The following COL1A2 variants were observed in gnomAD, a reference collection of about 807,000 sequenced individuals.
COL1A2 encodes collagen type I alpha 2 chain.
In COL1A2, 49 loss-of-function variants were observed where a neutral mutation model predicts 174.3. The observed-to-expected ratio is 0.28, with a 90% CI of 0.22 to 0.36. COL1A2 has a LOEUF of 0.36. Among genes scored for constraint, COL1A2 ranks in the 10% least tolerant of loss-of-function variants. COL1A2 has a pLI of 1.00. For synonymous variants in COL1A2, 655 were observed against 606.6 expected, an observed-to-expected ratio of 1.08 and a Z score of -1.17; for missense variants, 1,438 against 1,822.7, an observed-to-expected ratio of 0.79 and a Z score of 3.84.
At chr7:94,399,228 A>T in intron 4 of COL1A2, 144 bp downstream of exon 4, 1 of 697,658 alleles carries the variant, frequency 1.4e-6, no homozygotes. Flanking sequence ...CTGCAGAAGA[A>T]GCGAATGAGC....
chr7:94,426,331 A>G (rs867106285), intron 45 of COL1A2, 92 bp from the exon 46 acceptor site: 3 of 1,177,994 alleles, frequency 2.5e-6, no homozygotes, highest in African/African-American at 3.0e-5. Context: ...GTCCTGAGTT[A>G]CCTTTGTAAA....
chr7:94,426,875 C>A, intron 46 of COL1A2, 133 bp from the exon 47 acceptor site: 1 of 801,750 alleles, frequency 1.2e-6, no homozygotes, highest in Middle Eastern at 3.5e-4. Flanking sequence ...GAAAAGAGCC[C>A]CACTTTACAT....
At chr7:94,425,913 A>G in intron 44 of COL1A2, 56 bp downstream of exon 44, 1 of 1,601,186 alleles carries the variant, frequency 6.2e-7, no homozygotes, top group South Asian at 1.1e-5. Flanking sequence ...TTCACTTCTG[A>G]CTTCCCCACA....
At chr7:94,417,229 G>T (rs2521205) in intron 31 of COL1A2, among the ~76,000 whole-genome samples, 68,929 of 151,898 alleles carry the variant, frequency 0.45, 16,007 homozygotes, top group Admixed American at 0.52. Context: ...AGGGATCTAT[G>T]TATCTCAGAA....
At chr7:94,398,427 TA>T in intron 3 of COL1A2, 31 bp downstream of exon 3, 1 of 886,470 alleles carries the variant, frequency 1.1e-6, no homozygotes, top group South Asian at 1.8e-5. Flanking sequence ...CATAAATATC[TA>T]AAATTATCAG....
intron 32 of COL1A2, 62 bp from the exon 33 acceptor site, chr7:94,418,437 A>G (rs1418090739): frequency 3.5e-6 from 5 of 1,431,180 alleles, no homozygotes; most frequent in East Asian, 4.6e-5. Flanking sequence ...AAAACTTCAT[A>G]TTAATTTCGA....
intron 50 of COL1A2, 59 bp from the exon 51 acceptor site, chr7:94,429,129 T>C: frequency 7.4e-7 from 1 of 1,360,220 alleles, no homozygotes; most frequent in Non-Finnish European, 1.0e-6. Context: ...TTTTCATGTT[T>C]GACTCTTAGT....
chr7:94,408,121 G>T (rs1584318014), intron 13 of COL1A2, 62 bp from the exon 14 acceptor site: 1 of 1,553,144 alleles, frequency 6.4e-7, no homozygotes, highest in South Asian at 1.1e-5. Context: ...CAAAGCAAAT[G>T]ATGCCTGTGA....
Position 94,429,284 on chromosome 7 carries a change from T to C in COL1A2, c.3808T>C (p.Tyr1270His). The change falls in exon 51 of 52, where the codon TAC (tyrosine) becomes CAC (histidine). Residue 1270 changes from tyrosine (Y) to histidine (H), a missense_variant. Tyr to His is a moderately conservative substitution (Grantham distance 83). Coordinates refer to ENST00000297268, the MANE Select transcript of COL1A2 (RefSeq NM_000089.4). ...CAACTATGCCTCTCAGAACATCACC[T>C]ACCACTGCAAGAACAGCATTGCATA... is the stretch of plus-strand genomic sequence containing the variant. ...LANYASQNIT[Y>H]HCKNSIAYMD... 6.2e-7 allele frequency: 1 copy of C among 1,614,146 alleles called. No individual in the cohort carries two copies. The highest frequency in any genetic ancestry group is 8.5e-7 in the Non-Finnish European group (1 of 1,180,008).
chr7:94,405,792 T>A, intron 11 of COL1A2, 66 bp downstream of exon 11: 1 of 1,268,224 alleles, frequency 7.9e-7, no homozygotes, highest in South Asian at 1.2e-5. Flanking sequence ...CTCAAGTATG[T>A]TTAAAATCTT....
At chr7:94,404,530 T>C in intron 6 of COL1A2, 26 bp from the exon 7 acceptor site, 1 of 1,612,224 alleles carries the variant, frequency 6.2e-7, no homozygotes, top group Non-Finnish European at 8.5e-7. Context: ...CAGTGCTAAC[T>C]GTTGATATAT....
intron 39 of COL1A2, 147 bp downstream of exon 39, chr7:94,422,099 T>A: frequency 1.6e-6 from 1 of 608,604 alleles, no homozygotes; most frequent in Non-Finnish European, 2.9e-6. Flanking sequence ...TTCTGAACCA[T>A]TAAGGTATTT....
At chr7:94,399,221 CAGA>C (rs1440975043) in intron 4 of COL1A2, 137 bp downstream of exon 4, 1 of 730,906 alleles carries the variant, frequency 1.4e-6, no homozygotes, top group African/African-American at 1.8e-5. Flanking sequence ...TAATGCACTG[CAGA>C]AGAAGCGAAT....
chr7:94,409,531 A>G, intron 17 of COL1A2, 33 bp from the exon 18 acceptor site: 1 of 1,614,074 alleles, frequency 6.2e-7, no homozygotes, highest in Non-Finnish European at 8.5e-7. Context: ...ATTCCAATTA[A>G]CTGATATCCT....
At position 94,427,263 on chromosome 7, in the gene COL1A2, A is replaced by T. The variant is rs1365427348; in HGVS notation, c.3235A>T (p.Ile1079Phe). 1 of 1,613,814 alleles carries T rather than the reference A, an allele frequency of 6.2e-7. No homozygotes were observed. Among genetic ancestry groups the T allele is most frequent in the Non-Finnish European group, 8.5e-7 (1 of 1,179,906 alleles). Residue 1079 changes from isoleucine (I) to phenylalanine (F), a missense_variant, in exon 48 of 52, where the codon ATT (isoleucine) becomes TTT (phenylalanine). This residue lies in a region of COL1A2 where 867 missense variants were observed against 1,213.7 expected (regional missense o/e 0.71). Transcript: ENST00000297268. ...TCCTGGTACAGTTGGACCTGCTGGC[A>T]TTCGAGGCCCTCAGGGTCACCAAGG... Reference protein sequence around the residue: ...GHPGTVGPAGIRGPQGHQGPA... With the variant: ...GHPGTVGPAGFRGPQGHQGPA...
In COL1A2 at chr7:94,427,057, C is replaced by T. The variant is rs1349537557; in HGVS notation, c.3155C>T (p.Pro1052Leu). Residue 1052 changes from proline to leucine, a missense_variant, in exon 47 of 52, where the codon CCT becomes CTT. By Grantham distance (98) the Pro-to-Leu change is moderately conservative (BLOSUM62 -3). Around this residue, in one of 3 missense-constraint regions of COL1A2, gnomAD observed 867 missense variants for 1,213.7 expected, o/e 0.71. Coordinates refer to ENST00000297268, the MANE Select transcript of COL1A2 (RefSeq NM_000089.4). ...GAPGSVGPAG[P>L]RGPAGPSGPA... Reference sequence around the variant, plus strand: ...CCTGGCTCCGTGGGTCCTGCTGGTCCTAGGGTAGGTGGACTCAAGAGAAGA... The same window carrying T: ...CCTGGCTCCGTGGGTCCTGCTGGTCTTAGGGTAGGTGGACTCAAGAGAAGA... 6.2e-7 allele frequency: 1 copy of T among 1,613,954 alleles called. No individual in the cohort carries two copies. The highest frequency in any genetic ancestry group is 1.1e-5 in the South Asian group (1 of 91,074).
chr7:94,426,731 A>G, intron 46 of COL1A2: 1 of 645,786 alleles, frequency 1.5e-6, no homozygotes, highest in Non-Finnish European at 2.7e-6. Flanking sequence ...AGATAGAAAT[A>G]GACATACAAT....
At position 94,428,483 on chromosome 7, in the gene COL1A2, G is replaced by C; in HGVS notation, c.3711+6G>C. 1 of 1,612,434 alleles carries C rather than the reference G, an allele frequency of 6.2e-7. No homozygotes were observed. Reference sequence around the variant, plus strand: ...CTATCAATGCTGGCAGCCAGGTGAGGAATCCCACAAACACCTCTCCTTCTG... The same window carrying C: ...CTATCAATGCTGGCAGCCAGGTGAGCAATCCCACAAACACCTCTCCTTCTG... On this transcript the variant is annotated splice_donor_region_variant and intron_variant, in intron 50 of 51. Transcript: ENST00000297268.
chr7:94,424,392 T>A lies in COL1A2; in HGVS notation c.2622T>A (p.Gly874=), dbSNP rs769128071. The A allele has an allele frequency of 1.9e-6, 3 of 1,614,130 alleles. No homozygotes were observed. The Admixed American group carries it at 5.0e-5, about 27-fold the overall frequency. The change falls in exon 41 of 52, where the codon GGT becomes GGA. Residue 874 remains glycine, a synonymous_variant. Coordinates refer to ENST00000297268, the MANE Select transcript of COL1A2 (RefSeq NM_000089.4). ...TTCTTGGTGCTCCTGGTATTCTGGGTCTCCCTGGCTCGAGAGGTGAACGTG... is the reference window on the plus strand; with the variant it reads ...TTCTTGGTGCTCCTGGTATTCTGGGACTCCCTGGCTCGAGAGGTGAACGTG... The part of the protein sequence containing the change: ...QGLLGAPGIL[G]LPGSRGERGL...
Sources: gnomAD v4.1 joint callset for allele counts (sites outside exome capture counted in the v4.1 genomes callset) on GRCh38, gnomAD v4.1.1 for gene constraint, gnomAD v4.1.1 regional missense constraint, MANE v1.5 for transcripts, NCBI Gene and HGNC (gene_info 2026-07-23, HGNC 2026-07-21) for gene names.